Variants in ALMS1 observed in about 807,000 individuals in gnomAD.
ALMS1 encodes the protein ALMS1 centrosome and basal body associated protein, also known as centrosome-associated protein ALMS1.
Under a neutral mutation model 352.2 loss-of-function variants are expected in ALMS1, and 271 were observed. That is an observed-to-expected ratio of 0.77 (90% CI 0.70 to 0.85). The LOEUF (loss-of-function observed/expected upper bound fraction) is 0.85, where lower values mean the gene tolerates loss of function less well. Ranked by LOEUF, ALMS1 falls within the 40% of genes least tolerant of loss-of-function variation. The probability of loss-of-function intolerance (pLI) is 0.00; values close to 1 mark genes in which losing one functional copy is unlikely to be tolerated. For missense variants in ALMS1, 5,445 were observed against 4,870.7 expected (o/e 1.12, Z -3.51); for synonymous variants, 1,865 against 1,761.2 (o/e 1.06, Z -1.48).
At chr2:73,538,375 A>T (rs1674078391) in intron 12 of ALMS1, among the ~76,000 whole-genome samples, 1 of 152,142 alleles carries the variant, frequency 6.6e-6, no homozygotes, top group Non-Finnish European at 1.5e-5. Context: ...CACCCATTAC[A>T]ATCACTGTTA....
chr2:73,386,389 C>G (rs920702326), intron 1 of ALMS1, among the ~76,000 whole-genome samples, 197 bp downstream of exon 1: 3 of 152,188 alleles, frequency 2.0e-5, no homozygotes, highest in Non-Finnish European at 2.9e-5. Flanking sequence ...AAAGACTTCT[C>G]GTTTCCTCCC....
At chr2:73,461,608 A>G (rs1226172424) in intron 9 of ALMS1, among the ~76,000 whole-genome samples, 3 of 152,240 alleles carry the variant, frequency 2.0e-5, no homozygotes, top group East Asian at 3.8e-4. Context: ...TGGATGGACA[A>G]TGACTTTGAA....
At chr2:73,555,155 G>A (rs1211608134) in intron 13 of ALMS1, among the ~76,000 whole-genome samples, 2 of 151,946 alleles carry the variant, frequency 1.3e-5, no homozygotes, top group Non-Finnish European at 2.9e-5. Flanking sequence ...AAATATTTAT[G>A]GAAAATCAAA....
At chr2:73,394,934 T>C (rs753825567) in intron 1 of ALMS1, among the ~76,000 whole-genome samples, 7 of 151,068 alleles carry the variant, frequency 4.6e-5, no homozygotes, top group African/African-American at 4.9e-5. Context: ...TTTGTGTATC[T>C]AACACAAATA....
At chr2:73,474,166 G>A (rs1254171170) in intron 9 of ALMS1, among the ~76,000 whole-genome samples, 1 of 151,660 alleles carries the variant, frequency 6.6e-6, no homozygotes, top group Non-Finnish European at 1.5e-5. Flanking sequence ...TGGTTTTGAA[G>A]TCATAAAATA....
At position 73,449,048 on chromosome 2, in the gene ALMS1, T is replaced by C. The variant is rs949198387; in HGVS notation, c.2521T>C (p.Ser841Pro). 2.0e-5 allele frequency: 32 copies of C among 1,613,818 alleles called. No individual in the cohort carries two copies. The highest frequency in any genetic ancestry group is 2.6e-5 in the Non-Finnish European group (31 of 1,179,926). ...AGAGGCTCTGAAAGTTTCAGCTGTT[T>C]CTGGACCAGCTGACGGAAAGACTGG... ...PEEALKVSAVSGPADGKTGTP... is the reference protein window; with the variant it reads ...PEEALKVSAVPGPADGKTGTP... Residue 841 changes from serine to proline, a missense_variant, in exon 8 of 23, where the codon TCT becomes CCT. Ser to Pro is a moderately conservative substitution (Grantham distance 74). Coordinates refer to ENST00000613296, the MANE Select transcript of ALMS1 (RefSeq NM_001378454.1).
chr2:73,527,656 T>G (rs983381812), intron 11 of ALMS1, among the ~76,000 whole-genome samples: 4 of 152,122 alleles, frequency 2.6e-5, no homozygotes, highest in African/African-American at 9.6e-5. Context: ...TCTTCTATTT[T>G]TCTTAGTCTG....
At chr2:73,528,735 T>C (rs1673847758) in intron 11 of ALMS1, among the ~76,000 whole-genome samples, 1 of 152,106 alleles carries the variant, frequency 6.6e-6, no homozygotes, top group Non-Finnish European at 1.5e-5. Flanking sequence ...TTATTTTTTA[T>C]TTTAGATTTG....
chr2:73,419,685 G>A (rs1264105049), intron 3 of ALMS1, among the ~76,000 whole-genome samples: 1 of 152,064 alleles, frequency 6.6e-6, no homozygotes. Context: ...AAAAACAAAT[G>A]TTCATATTTA....
At chr2:73,472,926 C>CTTTTAAA (rs1194738027) in intron 9 of ALMS1, among the ~76,000 whole-genome samples, 1 of 152,030 alleles carries the variant, frequency 6.6e-6, no homozygotes, top group Non-Finnish European at 1.5e-5. Flanking sequence ...GCCAGAGTAT[C>CTTTTAAA]AGCTGTAGAA....
In ALMS1 at chr2:73,404,899, C is replaced by CTTT. The variant is rs58122480; in HGVS notation, c.325-3695_325-3693dup. ...CCAGTGAAGCTTTCTTGTCCTGGAC[C>CTTT]TTTTTTTTTTTTTTTTTTTTTTTTT... On this transcript the variant is annotated intron_variant, in intron 1 of 22. Transcript: ENST00000613296. 5.3e-4 allele frequency among the ~76,000 whole-genome samples: 32 copies of CTTT among 60,784 alleles called. 5 individuals are homozygous for CTTT. Among genetic ancestry groups the CTTT allele is most frequent in the African/African-American group, 1.2e-3 (11 of 9,340 alleles). 39.9% of individuals were successfully genotyped at this position (60,784 alleles called of 152,430 possible).
intron 11 of ALMS1, among the ~76,000 whole-genome samples, chr2:73,525,341 A>G (rs1673769036): frequency 1.3e-5 from 2 of 152,176 alleles, no homozygotes; most frequent in African/African-American, 4.8e-5. Flanking sequence ...TTTTTTGAGG[A>G]ATCTACAAAC....
intron 9 of ALMS1, among the ~76,000 whole-genome samples, chr2:73,484,767 C>T (rs866002415): frequency 1.1e-4 from 16 of 151,948 alleles, no homozygotes; most frequent in Admixed American, 3.9e-4. Flanking sequence ...GGAGGCTTTG[C>T]TCATTTCTTT....
In ALMS1 at chr2:73,585,741, T is replaced by TC. The variant is rs1553420025; in HGVS notation, c.11547+12321dup. 5.6e-3 allele frequency among the ~76,000 whole-genome samples: 825 copies of TC among 148,630 alleles called. 7 individuals are homozygous for TC. Among genetic ancestry groups the TC allele is most frequent in the Non-Finnish European group, 8.8e-3 (594 of 67,188 alleles). On this transcript the variant is annotated intron_variant, in intron 16 of 22. Coordinates refer to ENST00000613296, the MANE Select transcript of ALMS1 (RefSeq NM_001378454.1). Reference sequence around the variant, plus strand: ...ACTTCTTGGCCTTTTTTTTTTTTTTTCCCCGAGACGGAGTCTCGCTCTTGT... The same window carrying TC: ...ACTTCTTGGCCTTTTTTTTTTTTTTTCCCCCGAGACGGAGTCTCGCTCTTGT...
At chr2:73,467,287 A>G (rs1369409173) in intron 9 of ALMS1, among the ~76,000 whole-genome samples, 1 of 152,156 alleles carries the variant, frequency 6.6e-6, no homozygotes, top group Non-Finnish European at 1.5e-5. Flanking sequence ...ATGCAAATCA[A>G]TTATTCCTAC....
At chr2:73,529,759 A>G (rs1194983793) in intron 11 of ALMS1, among the ~76,000 whole-genome samples, 1 of 152,156 alleles carries the variant, frequency 6.6e-6, no homozygotes, top group Non-Finnish European at 1.5e-5. Context: ...ATTTATAAAG[A>G]AAGGGAGTTC....
At chr2:73,417,255 C>T (rs971444743) in intron 2 of ALMS1, among the ~76,000 whole-genome samples, 5 of 151,962 alleles carry the variant, frequency 3.3e-5, no homozygotes, top group Non-Finnish European at 7.4e-5. Context: ...AGACTTTCTA[C>T]AAAACTATGA....
chr2:73,420,532 C>A (rs1490020759), intron 3 of ALMS1, among the ~76,000 whole-genome samples: 1 of 152,124 alleles, frequency 6.6e-6, no homozygotes, highest in African/African-American at 2.4e-5. Flanking sequence ...TAAAGGGAAG[C>A]TATTTTTCAA....
chr2:73,466,062 G>A (rs1335362694), intron 9 of ALMS1, among the ~76,000 whole-genome samples: 1 of 152,186 alleles, frequency 6.6e-6, no homozygotes, highest in Non-Finnish European at 1.5e-5. Flanking sequence ...CAACCACTGT[G>A]GAAGTCAGTG....
Sources: gnomAD v4.1 joint callset for allele counts (sites outside exome capture counted in the v4.1 genomes callset) on GRCh38, gnomAD v4.1.1 for gene constraint, MANE v1.5 for transcripts, NCBI Gene and HGNC (gene_info 2026-07-23, HGNC 2026-07-21) for gene names.